PRRC2B: variants seen among roughly 807,000 people sequenced by gnomAD.
PRRC2B encodes protein PRRC2B.
In PRRC2B, 68 loss-of-function variants were observed where a neutral mutation model predicts 242.3. That is an observed-to-expected ratio of 0.28 (90% CI 0.23 to 0.34). The LOEUF (loss-of-function observed/expected upper bound fraction) is 0.34. Ranked by LOEUF, PRRC2B falls within the 10% of genes least tolerant of loss-of-function variation. The probability of loss-of-function intolerance (pLI) is 1.00; values close to 1 mark genes in which losing one functional copy is unlikely to be tolerated. For missense variants in PRRC2B, 2,835 were observed against 2,954.8 expected (o/e 0.96, Z 0.94); for synonymous variants, 1,228 against 1,173.6 (o/e 1.05, Z -0.95).
rs745895668 is a variant in PRRC2B, at chr9:131,494,609, G to A, written c.6555+123G>A. On this transcript the variant is annotated intron_variant, in intron 31 of 31. Transcript: ENST00000683519. This position sits in a 1 kb window ranked among gnomAD's most constrained non-coding sequence, Gnocchi z 4.3. ...TGTCTAAAGACAGCCATGCCCTAGCGGTTAGAGCACAGAACCGGGAGCTGG... is the reference window on the plus strand; with the variant it reads ...TGTCTAAAGACAGCCATGCCCTAGCAGTTAGAGCACAGAACCGGGAGCTGG... 10 of 595,142 alleles carry A rather than the reference G, an allele frequency of 1.7e-5. No individual in the cohort carries two copies. The highest frequency in any genetic ancestry group is 3.3e-5 in the Admixed American group (1 of 30,558). 36.9% of individuals were successfully genotyped at this position (595,142 alleles called of 1,614,324 possible).
intron 31 of PRRC2B, among the ~76,000 whole-genome samples, chr9:131,495,096 G>A (rs1202105685): frequency 1.3e-5 from 2 of 152,172 alleles, no homozygotes; most frequent in African/African-American, 4.8e-5. Context: ...CATGAAAGTT[G>A]TGTGGAATGA....
rs570789689 is a variant in PRRC2B at position 131,378,954 on chromosome 9, A to G, written c.-56+5223A>G. ...GGCTGGTCTTGAACTCCTGACCTCA[A>G]GTGATCTGCCCACCTCGGCCTTCCA... On this transcript the variant is annotated intron_variant, in intron 1 of 1. Coordinates refer to the PRRC2B transcript ENST00000682525. Among the ~76,000 whole-genome samples the G allele has an allele frequency of 6.6e-5, 10 of 152,172 alleles. No individual in the cohort carries two copies. In the East Asian group the frequency reaches 1.2e-3, roughly 18 times the overall value.
In PRRC2B at chr9:131,495,831, C is replaced by A; in HGVS notation, c.6647C>A (p.Ala2216Glu). The A allele has an allele frequency of 1.9e-6, 3 of 1,612,266 alleles. No homozygotes were observed. The highest frequency in any genetic ancestry group is 2.2e-5 in the East Asian group (1 of 44,828). Residue 2216 changes from alanine to glutamate, a missense_variant, in exon 32 of 32, where the codon GCG (alanine) becomes GAG (glutamate). Ala to Glu is a moderately radical substitution (Grantham distance 107). Around this residue, in one of 7 missense-constraint regions of PRRC2B, gnomAD observed 574 missense variants for 626.0 expected, o/e 0.92. Transcript: ENST00000683519. Reference sequence around the variant, plus strand: ...GCCTCCCAGATGAAGCGAACCGGAGCGATCAAGCCTCGGGCTGTCAAAGTG... The same window carrying A: ...GCCTCCCAGATGAAGCGAACCGGAGAGATCAAGCCTCGGGCTGTCAAAGTG... ...SAASQMKRTG[A>E]IKPRAVKVEE...
At position 131,492,703 on chromosome 9, in the gene PRRC2B, C is replaced by CT. The variant is rs1316720909; in HGVS notation, c.6473+445dup. On this transcript the variant is annotated intron_variant, in intron 30 of 31. Coordinates refer to ENST00000683519, the MANE Select transcript of PRRC2B (RefSeq NM_013318.4). ...TGCCAGGGGACTTTTTATTGCTGGG[C>CT]TTATGGGGCCATTCCTTCCATGCTA... Among the ~76,000 whole-genome samples, 5 of 152,312 alleles carry CT rather than the reference C, an allele frequency of 3.3e-5. No individual in the cohort carries two copies. The East Asian group carries it at 5.8e-4, about 18-fold the overall frequency.
At chr9:131,398,204 G>A (rs1438261369) in intron 1 of PRRC2B, among the ~76,000 whole-genome samples, 3 of 152,226 alleles carry the variant, frequency 2.0e-5, no homozygotes, top group African/African-American at 7.2e-5. Context: ...TGCCATTGGC[G>A]ATATTACTGT....
At chr9:131,478,006 A>G in intron 17 of PRRC2B, 57 bp downstream of exon 17, 1 of 1,511,856 alleles carries the variant, frequency 6.6e-7, no homozygotes, top group South Asian at 1.1e-5. Flanking sequence ...GGGGCCATGC[A>G]GTCCTCGGGC....
chr9:131,382,345 C>A (rs1050188571), intron 1 of PRRC2B, among the ~76,000 whole-genome samples: 2 of 152,128 alleles, frequency 1.3e-5, no homozygotes, highest in Non-Finnish European at 2.9e-5. Flanking sequence ...ATCTTACCCT[C>A]ATTTGTTCTT....
At chr9:131,454,400 G>T (rs749983097) in intron 9 of PRRC2B, among the ~76,000 whole-genome samples, 1 of 152,178 alleles carries the variant, frequency 6.6e-6, no homozygotes, top group Non-Finnish European at 1.5e-5. Flanking sequence ...TGCCTGCTTT[G>T]TTCATCCTCT....
Position 131,397,412 on chromosome 9 carries a change from A to T in PRRC2B, c.-52+3149A>T, listed in dbSNP as rs995317693. On this transcript the variant is annotated intron_variant, in intron 1 of 31. Transcript: ENST00000683519. ...AGTGGAATTTCAGGAATGGCAGGTCAGAACTGGTTCCAGCATGGGTCCCTT... is the reference window on the plus strand; with the variant it reads ...AGTGGAATTTCAGGAATGGCAGGTCTGAACTGGTTCCAGCATGGGTCCCTT... 1.4e-4 allele frequency among the ~76,000 whole-genome samples: 22 copies of T among 152,322 alleles called. 1 individual carries two copies. The highest frequency in any genetic ancestry group is 4.8e-4 in the African/African-American group (20 of 41,564).
At position 131,459,340 on chromosome 9, in the gene PRRC2B, C is replaced by A; in HGVS notation, c.1388C>A (p.Pro463Gln). 1 of 1,613,286 alleles carries A rather than the reference C, an allele frequency of 6.2e-7. No individual in the cohort carries two copies. Among genetic ancestry groups the A allele is most frequent in the Non-Finnish European group, 8.5e-7 (1 of 1,179,498 alleles). ...CCCAGGAAGCTTCATGGCTGGGCACCAGGCCCTGACTACCAGGTACCAAGG... is the reference window on the plus strand; with the variant it reads ...CCCAGGAAGCTTCATGGCTGGGCACAAGGCCCTGACTACCAGGTACCAAGG... Reference protein sequence around the residue: ...PPPRKLHGWAPGPDYQKSSMG... With the variant: ...PPPRKLHGWAQGPDYQKSSMG... Residue 463 changes from proline (P) to glutamine (Q), a missense_variant, in exon 11 of 32, where the codon CCA becomes CAA. Physicochemically the swap from Pro to Gln is moderately conservative, Grantham distance 76. This residue lies in a region of PRRC2B where 626 missense variants were observed against 685.5 expected (regional missense o/e 0.91). Transcript: ENST00000683519.
intron 2 of PRRC2B, among the ~76,000 whole-genome samples, chr9:131,432,031 C>T (rs1455673609): frequency 3.3e-5 from 5 of 150,294 alleles, no homozygotes; most frequent in East Asian, 2.0e-4. Flanking sequence ...TGGGCTCAAG[C>T]GATCTACCCA....
chr9:131,396,882 C>T (rs772396324), intron 1 of PRRC2B, among the ~76,000 whole-genome samples: 44 of 152,088 alleles, frequency 2.9e-4, no homozygotes, highest in Non-Finnish European at 5.7e-4. Flanking sequence ...AGGACTGAGA[C>T]CCAGGTCACC....
rs111462778 is a variant in PRRC2B at position 131,499,285 on chromosome 9, C to G, written c.*3411C>G. ...AGCCATGCTGTGGTCTGGCCTGCTA[C>G]GGCAGCATGGCAGCTCTGGTGGAGC... On this transcript the variant is annotated 3_prime_UTR_variant, in exon 32 of 32. Coordinates refer to ENST00000683519, the MANE Select transcript of PRRC2B (RefSeq NM_013318.4). 1 of 152,222 alleles carries G rather than the reference C, an allele frequency of 6.6e-6. No homozygotes were observed. The highest frequency in any genetic ancestry group is 2.4e-5 in the African/African-American group (1 of 41,438). 9.4% of individuals were successfully genotyped at this position (152,222 alleles called of 1,614,324 possible). A position where few individuals can be genotyped will look rare whatever the true frequency, so the allele number is the denominator to read the frequency against.
chr9:131,452,449 G>A (rs1260997292), intron 9 of PRRC2B, among the ~76,000 whole-genome samples: 1 of 152,180 alleles, frequency 6.6e-6, no homozygotes, highest in Non-Finnish European at 1.5e-5. Context: ...TTTTCGGTAA[G>A]TTGTGTTTTT....
chr9:131,474,655 T>A lies in PRRC2B; in HGVS notation c.2526T>A (p.Ala842=). Residue 842 remains alanine (A), a synonymous_variant, in exon 16 of 32, where the codon GCT becomes GCA. Transcript: ENST00000683519. ...PPQENVQDAG[A]PGGHTQNLRC... is the part of the protein sequence containing the mutation. ...AAGAAAATGTTCAGGATGCAGGTGC[T>A]CCTGGGGGTCACACCCAAAACCTCA... The A allele has an allele frequency of 6.2e-7, 1 of 1,613,754 alleles. No individual in the cohort carries two copies. Among genetic ancestry groups the A allele is most frequent in the Non-Finnish European group, 8.5e-7 (1 of 1,179,810 alleles).
At chr9:131,405,762 G>A (rs949351273) in intron 1 of PRRC2B, among the ~76,000 whole-genome samples, 3 of 152,142 alleles carry the variant, frequency 2.0e-5, no homozygotes, top group Non-Finnish European at 4.4e-5. Context: ...AGCTCGCTGG[G>A]AGAGTTGGGA....
chr9:131,440,854 C>G (rs1273899675), intron 5 of PRRC2B, among the ~76,000 whole-genome samples: 1 of 102,910 alleles, frequency 9.7e-6, no homozygotes, highest in East Asian at 2.9e-4. Context: ...AATCCCAGGA[C>G]TTTGGGAGGC....
At chr9:131,399,188 A>G (rs1262320394) in intron 1 of PRRC2B, among the ~76,000 whole-genome samples, 1 of 146,308 alleles carries the variant, frequency 6.8e-6, no homozygotes, top group South Asian at 2.2e-4. Flanking sequence ...GAGGCTGGAG[A>G]ATCACTTAAA....
intron 1 of PRRC2B, among the ~76,000 whole-genome samples, chr9:131,425,417 A>G (rs148052714): frequency 1.3e-5 from 2 of 152,260 alleles, no homozygotes; most frequent in African/African-American, 4.8e-5. Context: ...CTTTTCCCTC[A>G]GGCCTGGTCA....
Sources: gnomAD v4.1 joint callset for allele counts (sites outside exome capture counted in the v4.1 genomes callset) on GRCh38, gnomAD v4.1.1 for gene constraint, gnomAD v4.1.1 regional missense constraint, Gnocchi (gnomAD v3.1) non-coding constraint, MANE v1.5 for transcripts, NCBI Gene and HGNC (gene_info 2026-07-23, HGNC 2026-07-21) for gene names.